ROBO1: variants seen among roughly 807,000 people sequenced by gnomAD.
The protein encoded by ROBO1 is roundabout guidance receptor 1, also known as roundabout homolog 1.
In ROBO1, 149 loss-of-function variants were observed where a neutral mutation model predicts 195.9. The observed-to-expected ratio is 0.76, with a 90% CI of 0.67 to 0.87. The LOEUF (loss-of-function observed/expected upper bound fraction) is 0.87, where lower values mean the gene tolerates loss of function less well. Ranked by LOEUF, ROBO1 falls within the 40% of genes least tolerant of loss-of-function variation. The probability of loss-of-function intolerance (pLI) is 0.00; values close to 1 mark genes in which losing one functional copy is unlikely to be tolerated. For synonymous variants in ROBO1, 816 were observed against 733.2 expected, an observed-to-expected ratio of 1.11 and a Z score of -1.82; for missense variants, 1,933 against 2,068.3, an observed-to-expected ratio of 0.93 and a Z score of 1.27.
chr3:79,662,620 A>C (rs1237343008), intron 1 of ROBO1, among the ~76,000 whole-genome samples: 1 of 152,030 alleles, frequency 6.6e-6, no homozygotes, highest in Non-Finnish European at 1.5e-5. Flanking sequence ...AGGATCAAAA[A>C]CTTGCCATTT....
At chr3:79,725,567 C>A (rs1702888383) in intron 1 of ROBO1, among the ~76,000 whole-genome samples, 1 of 152,122 alleles carries the variant, frequency 6.6e-6, no homozygotes, top group African/African-American at 2.4e-5. Context: ...AGCCAACATG[C>A]AATGAAGACA....
chr3:79,244,581 A>G (rs1257513943), intron 2 of ROBO1, among the ~76,000 whole-genome samples: 1 of 152,096 alleles, frequency 6.6e-6, no homozygotes, highest in Non-Finnish European at 1.5e-5. Flanking sequence ...TTGATAAGAA[A>G]TATTTTCTGT....
chr3:79,388,148 A>T (rs1241714783), intron 2 of ROBO1, among the ~76,000 whole-genome samples: 1 of 152,180 alleles, frequency 6.6e-6, no homozygotes, highest in Non-Finnish European at 1.5e-5. Context: ...TTCACAAAAT[A>T]TAATTGCTGC....
At chr3:79,756,334 G>C (rs77310296) in intron 1 of ROBO1, among the ~76,000 whole-genome samples, 1,873 of 152,016 alleles carry the variant, frequency 0.012, 38 homozygotes, top group African/African-American at 0.043. Context: ...GGCGGTTCAC[G>C]AGGTTAGGAG....
intron 3 of ROBO1, among the ~76,000 whole-genome samples, chr3:79,021,570 A>G (rs2078101659): frequency 6.6e-6 from 1 of 151,636 alleles, no homozygotes; most frequent in African/African-American, 2.4e-5. Context: ...ATCTCATTGA[A>G]TGCAAACCAT....
chr3:78,843,572 C>T (rs1206737265), intron 4 of ROBO1, among the ~76,000 whole-genome samples: 1 of 152,020 alleles, frequency 6.6e-6, no homozygotes, highest in Non-Finnish European at 1.5e-5. Flanking sequence ...CTGTTTGTCT[C>T]AGCTGAAGGT....
intron 5 of ROBO1, among the ~76,000 whole-genome samples, chr3:78,744,758 C>T (rs2082616098): frequency 6.6e-6 from 1 of 152,060 alleles, no homozygotes; most frequent in Non-Finnish European, 1.5e-5. Context: ...AAATTTCAAT[C>T]CCACCTGAAC....
chr3:78,631,360 T>C, intron 24 of ROBO1, 55 bp from the exon 25 acceptor site: 1 of 1,548,504 alleles, frequency 6.5e-7, no homozygotes, highest in Non-Finnish European at 8.8e-7. Flanking sequence ...ACTTTTTCCA[T>C]TAGTCACAAG....
intron 1 of ROBO1, among the ~76,000 whole-genome samples, chr3:79,671,808 G>C (rs2106907079): frequency 6.6e-6 from 1 of 151,912 alleles, no homozygotes; most frequent in East Asian, 1.9e-4. Flanking sequence ...AACAATAACA[G>C]ATGCCAATTA....
At chr3:78,964,186 G>A (rs2107859212) in intron 3 of ROBO1, among the ~76,000 whole-genome samples, 1 of 152,112 alleles carries the variant, frequency 6.6e-6, no homozygotes, top group East Asian at 1.9e-4. Flanking sequence ...CTTTCTATAA[G>A]GACACAGCCA....
intron 2 of ROBO1, among the ~76,000 whole-genome samples, chr3:79,466,987 A>G (rs947324436): frequency 1.3e-5 from 2 of 152,166 alleles, no homozygotes; most frequent in African/African-American, 4.8e-5. Flanking sequence ...CTAAAAAAGA[A>G]CACAAAATGA....
intron 1 of ROBO1, among the ~76,000 whole-genome samples, chr3:79,671,520 G>C (rs1326328236): frequency 1.3e-5 from 2 of 151,960 alleles, no homozygotes; most frequent in South Asian, 2.1e-4. Flanking sequence ...AGTGTATACT[G>C]TATATATTGT....
chr3:78,861,827 G>A (rs1030736615), intron 4 of ROBO1, among the ~76,000 whole-genome samples: 2 of 152,146 alleles, frequency 1.3e-5, no homozygotes, highest in African/African-American at 4.8e-5. Flanking sequence ...CAAATAGACT[G>A]TAAGTTTCTT....
At chr3:78,623,663 C>T (rs1421119039) in intron 26 of ROBO1, among the ~76,000 whole-genome samples, 3 of 152,120 alleles carry the variant, frequency 2.0e-5, no homozygotes, top group Non-Finnish European at 4.4e-5. Context: ...AGGAGCAAGG[C>T]TGAAGCAACA....
At chr3:78,899,627 AAATT>A (rs1322516143) in intron 4 of ROBO1, among the ~76,000 whole-genome samples, 8 of 152,204 alleles carry the variant, frequency 5.3e-5, no homozygotes, top group East Asian at 1.9e-4. Flanking sequence ...CTTCAAAAAT[AAATT>A]AAGATCTTAT....
At chr3:79,431,987 T>A (rs1364737134) in intron 2 of ROBO1, among the ~76,000 whole-genome samples, 1 of 152,084 alleles carries the variant, frequency 6.6e-6, no homozygotes, top group African/African-American at 2.4e-5. Flanking sequence ...AATGACAATG[T>A]GCAAAGTGAG....
intron 4 of ROBO1, among the ~76,000 whole-genome samples, chr3:78,786,420 C>T (rs924838776): frequency 1.3e-5 from 2 of 152,072 alleles, no homozygotes; most frequent in Non-Finnish European, 2.9e-5. Flanking sequence ...CTGGATGATG[C>T]TATTATATAC....
At chr3:78,969,090 C>T (rs1391815390) in intron 3 of ROBO1, among the ~76,000 whole-genome samples, 4 of 152,138 alleles carry the variant, frequency 2.6e-5, no homozygotes, top group Admixed American at 6.6e-5. Flanking sequence ...GATCCCAAAA[C>T]CTTATTGCAT....
intron 2 of ROBO1, among the ~76,000 whole-genome samples, chr3:79,543,576 G>A (rs1351790298): frequency 2.0e-5 from 3 of 152,072 alleles, no homozygotes; most frequent in Non-Finnish European, 4.4e-5. Flanking sequence ...TTTTTAACAT[G>A]TCACTAAATT....
Sources: allele counts gnomAD v4.1 joint callset (sites outside exome capture counted in the v4.1 genomes callset), GRCh38; gene constraint gnomAD v4.1.1; transcripts MANE v1.5; gene names NCBI Gene and HGNC (gene_info 2026-07-23, HGNC 2026-07-21).